SIK2: variants seen among roughly 807,000 people sequenced by gnomAD.
SIK2 encodes the protein serine/threonine-protein kinase SIK2.
In SIK2, 29 loss-of-function variants were observed where a neutral mutation model predicts 103.2. The observed-to-expected ratio is 0.28, with a 90% CI of 0.21 to 0.38. The LOEUF (loss-of-function observed/expected upper bound fraction) is 0.38, where lower values mean the gene tolerates loss of function less well. SIK2 is among the 10% of genes least tolerant of loss of function. The pLI is 1.00. For missense variants in SIK2, 879 were observed against 1,171.0 expected (o/e 0.75, Z 3.64); for synonymous variants, 412 against 446.1 (o/e 0.92, Z 0.96).
chr11:111,674,001 G>A, intron 3 of SIK2, among the ~76,000 whole-genome samples: 1 of 151,340 alleles, frequency 6.6e-6, no homozygotes. Context: ...TTGAACCCGC[G>A]AGACGGAGGT....
chr11:111,602,847 C>A lies in SIK2; in HGVS notation c.135+149C>A. 2 of 1,168,226 alleles carry A rather than the reference C, an allele frequency of 1.7e-6. No homozygotes were observed. The highest frequency in any genetic ancestry group is 2.2e-6 in the Non-Finnish European group (2 of 891,704). The allele number at this position is 1,168,226 out of a possible 1,614,324, so 72.4% of individuals were successfully genotyped here. ...GAGCGGGCCTGGGACTGTGAGGACC[C>A]AGGAGGTGCAGGGGGTCGGTGAGCA... is the stretch of plus-strand genomic sequence containing the variant. On this transcript the variant is annotated intron_variant, in intron 1 of 14. Coordinates refer to ENST00000304987, the MANE Select transcript of SIK2 (RefSeq NM_015191.3). The surrounding 1 kb of genome is among the most constrained non-coding windows in gnomAD (Gnocchi z 4.5).
chr11:111,648,715 G>C (rs533865591), intron 3 of SIK2, among the ~76,000 whole-genome samples: 1 of 152,044 alleles, frequency 6.6e-6, no homozygotes, highest in African/African-American at 2.4e-5. Context: ...TACAGTGGTT[G>C]TATCTATGGA....
chr11:111,688,474 G>A lies in SIK2; in HGVS notation c.478+312G>A, dbSNP rs1942877180. Among the ~76,000 whole-genome samples the A allele has an allele frequency of 6.6e-6, 1 of 152,158 alleles. No individual in the cohort carries two copies. The highest frequency in any genetic ancestry group is 2.4e-5 in the African/African-American group (1 of 41,426). Reference sequence around the variant, plus strand: ...TCAGAGTGACTGGAGAAAAGACAGGGCTGGAGGAGTAATGCTGGTTGCTGG... The same window carrying A: ...TCAGAGTGACTGGAGAAAAGACAGGACTGGAGGAGTAATGCTGGTTGCTGG... On this transcript the variant is annotated intron_variant, in intron 4 of 14. Coordinates refer to ENST00000304987, the MANE Select transcript of SIK2 (RefSeq NM_015191.3). This position sits in a 1 kb window ranked among gnomAD's most constrained non-coding sequence, Gnocchi z 4.2.
rs1944094569 is a variant in SIK2, at chr11:111,729,134, AT to A, written c.*5009del. ...CCTTCCAGTAGCCTCTCACATTCTT[AT>A]TTTACCATTTTTGTCCTAATTAAGG... On this transcript the variant is annotated 3_prime_UTR_variant, in exon 15 of 15. Transcript: ENST00000304987. 6.6e-6 allele frequency: 1 copy of A among 152,104 alleles called. No homozygotes were observed. The highest frequency in any genetic ancestry group is 1.5e-5 in the Non-Finnish European group (1 of 68,060). 9.4% of individuals were successfully genotyped at this position (152,104 alleles called of 1,614,324 possible).
intron 3 of SIK2, chr11:111,672,360 A>G (rs1942640858): frequency 1.9e-6 from 1 of 532,228 alleles, no homozygotes; most frequent in Non-Finnish European, 3.0e-6. Flanking sequence ...CCAAGGGGCC[A>G]GAGGTGGACA....
In SIK2 at chr11:111,688,213, T is replaced by C; in HGVS notation, c.478+51T>C. 6.3e-7 allele frequency: 1 copy of C among 1,595,806 alleles called. No homozygotes were observed. On this transcript the variant is annotated intron_variant, in intron 4 of 14. Coordinates refer to ENST00000304987, the MANE Select transcript of SIK2 (RefSeq NM_015191.3). This position sits in a 1 kb window ranked among gnomAD's most constrained non-coding sequence, Gnocchi z 4.2. Reference sequence around the variant, plus strand: ...TAAGATCCGAAGTGAGCCACTGCACTCAGTGTGTGGAAACAGACCTGCAGG... The same window carrying C: ...TAAGATCCGAAGTGAGCCACTGCACCCAGTGTGTGGAAACAGACCTGCAGG...
intron 9 of SIK2, among the ~76,000 whole-genome samples, chr11:111,717,060 A>T (rs1344325638): frequency 6.6e-6 from 1 of 152,168 alleles, no homozygotes; most frequent in Non-Finnish European, 1.5e-5. Flanking sequence ...CACGCCCGTA[A>T]TCCCAGCACT....
chr11:111,696,887 T>TC (rs560377861), intron 4 of SIK2, among the ~76,000 whole-genome samples: 11 of 151,970 alleles, frequency 7.2e-5, no homozygotes, highest in African/African-American at 1.4e-4. Context: ...CACATTTCAT[T>TC]CCCCCCCTAC....
At chr11:111,627,964 G>A (rs1941983203) in intron 3 of SIK2, among the ~76,000 whole-genome samples, 2 of 151,958 alleles carry the variant, frequency 1.3e-5, no homozygotes, top group Admixed American at 1.3e-4. Flanking sequence ...TTCTTCTCTA[G>A]TCAAGTACAT....
intron 12 of SIK2, 89 bp from the exon 13 acceptor site, chr11:111,721,741 A>T (rs1433922232): frequency 2.1e-6 from 2 of 945,154 alleles, no homozygotes; most frequent in Non-Finnish European, 3.2e-6. Flanking sequence ...TGGTATTCCT[A>T]TTGGACATTG....
rs1944155329 is a variant in SIK2 at position 111,730,573 on chromosome 11, G to T, written c.*6444G>T. On this transcript the variant is annotated 3_prime_UTR_variant, in exon 15 of 15. Transcript: ENST00000304987. ...TACTTTTGATAAAGTTAATCTAACT[G>T]TAGTTATATTTTCTGTGTGCTTTTT... 4 of 152,070 alleles carry T rather than the reference G, an allele frequency of 2.6e-5. No homozygotes were observed. In the South Asian group the frequency reaches 8.3e-4, roughly 32 times the overall value. 9.4% of individuals were successfully genotyped at this position (152,070 alleles called of 1,614,324 possible). A position where few individuals can be genotyped will look rare whatever the true frequency, so the allele number is the denominator to read the frequency against.
chr11:111,660,896 A>G (rs1591605181), intron 3 of SIK2, among the ~76,000 whole-genome samples: 1 of 129,240 alleles, frequency 7.7e-6, no homozygotes, highest in Non-Finnish European at 1.6e-5. Flanking sequence ...ATGAGGTCAC[A>G]CTGTAGTTTC....
intron 10 of SIK2, 145 bp from the exon 11 acceptor site, chr11:111,720,333 G>A (rs924679855): frequency 1.7e-5 from 15 of 861,496 alleles, no homozygotes; most frequent in Middle Eastern, 2.4e-4. Context: ...GACTAAATTG[G>A]CCAGTAAAAG....
rs1431816173 is a variant in SIK2 at position 111,725,652 on chromosome 11, G to GACTA, written c.*1527_*1530dup. 3.3e-5 allele frequency: 5 copies of GACTA among 152,668 alleles called. No individual in the cohort carries two copies. The highest frequency in any genetic ancestry group is 1.2e-4 in the African/African-American group (5 of 41,460). The allele number at this position is 152,668 out of a possible 1,614,324, so 9.5% of individuals were successfully genotyped here. A position where few individuals can be genotyped will look rare whatever the true frequency, so the allele number is the denominator to read the frequency against. Reference sequence around the variant, plus strand: ...ATCTTCCTTAAAGCACAAAGAGAGGGACTAACTGATGCTGCATCTAGAAAA... The same window carrying GACTA: ...ATCTTCCTTAAAGCACAAAGAGAGGGACTAACTAACTGATGCTGCATCTAGAAAA... On this transcript the variant is annotated 3_prime_UTR_variant, in exon 15 of 15. Coordinates refer to ENST00000304987, the MANE Select transcript of SIK2 (RefSeq NM_015191.3).
At chr11:111,695,429 G>C (rs961610046) in intron 4 of SIK2, among the ~76,000 whole-genome samples, 16 of 152,040 alleles carry the variant, frequency 1.1e-4, no homozygotes, top group African/African-American at 3.6e-4. Flanking sequence ...TAAAAAAAAG[G>C]ACTTAGTTTA....
intron 1 of SIK2, among the ~76,000 whole-genome samples, chr11:111,615,210 G>T (rs2135835241): frequency 6.6e-6 from 1 of 151,754 alleles, no homozygotes; most frequent in South Asian, 2.1e-4. Context: ...CAGCACTTTG[G>T]GAGGCTGAAA....
At chr11:111,604,314 AAAAC>A (rs1357449848) in intron 1 of SIK2, among the ~76,000 whole-genome samples, 5 of 152,264 alleles carry the variant, frequency 3.3e-5, no homozygotes, top group East Asian at 1.9e-4. Flanking sequence ...TGACTTTCTA[AAAAC>A]AAACAAATTG....
chr11:111,714,065 G>A (rs764307641), intron 9 of SIK2, among the ~76,000 whole-genome samples: 23 of 152,212 alleles, frequency 1.5e-4, no homozygotes, highest in African/African-American at 2.4e-5. Context: ...GGAAAGTCCG[G>A]TTTAACTGTC....
intron 3 of SIK2, among the ~76,000 whole-genome samples, chr11:111,632,759 G>C (rs371139616): frequency 6.6e-6 from 1 of 151,480 alleles, no homozygotes; most frequent in African/African-American, 2.4e-5. Context: ...CTTCTGCCCC[G>C]CCCCTCATCT....
Sources: gnomAD v4.1 joint callset for allele counts (sites outside exome capture counted in the v4.1 genomes callset) on GRCh38, gnomAD v4.1.1 for gene constraint, Gnocchi (gnomAD v3.1) non-coding constraint, MANE v1.5 for transcripts, NCBI Gene and HGNC (gene_info 2026-07-23, HGNC 2026-07-21) for gene names.